Variants in VCP observed in about 807,000 individuals in gnomAD.
The protein encoded by VCP is valosin containing protein.
VCP carries 6 observed loss-of-function variants against 85.7 expected under a neutral mutation model. That is an observed-to-expected ratio of 0.07 (90% CI 0.04 to 0.14). VCP has a LOEUF of 0.14. Among genes scored for constraint, VCP ranks in the 10% least tolerant of loss-of-function variants. The pLI, the probability that VCP is intolerant of heterozygous loss-of-function variation, is 1.00. For missense variants in VCP, 353 were observed against 1,043.4 expected (o/e 0.34, Z 9.12); for synonymous variants, 384 against 367.1 (o/e 1.05, Z -0.53).
At position 35,061,317 on chromosome 9, in the gene VCP, T is replaced by C. The variant is rs971557206; in HGVS notation, c.1195-138A>G. 4.8e-6 allele frequency: 6 copies of C among 1,243,664 alleles called. No individual in the cohort carries two copies. In the African/African-American group the frequency reaches 7.5e-5, roughly 15 times the overall value. 77.0% of individuals were successfully genotyped at this position (1,243,664 alleles called of 1,614,324 possible). On this transcript the variant is annotated intron_variant, in intron 10 of 16. Coordinates refer to ENST00000358901, the MANE Select transcript of VCP (RefSeq NM_007126.5). The stretch of plus-strand genomic sequence containing the variant: ...TGAATATATACTATCAATACCTTTA[T>C]GGGCTGGGTTTTAAGTACTTAATTC...
intron 6 of VCP, 61 bp downstream of exon 6, chr9:35,064,093 T>A: frequency 2.5e-6 from 4 of 1,610,204 alleles, no homozygotes; most frequent in Non-Finnish European, 2.5e-6. Context: ...GGATTAGACA[T>A]TGGGACAGGA....
Position 35,072,470 on chromosome 9 carries a change from G to A in VCP, c.-117C>T. The A allele has an allele frequency of 7.7e-7, 1 of 1,292,514 alleles. No individual in the cohort carries two copies. The highest frequency in any genetic ancestry group is 1.0e-6 in the Non-Finnish European group (1 of 999,576). The allele number at this position is 1,292,514 out of a possible 1,614,324, so 80.1% of individuals were successfully genotyped here. A position where few individuals can be genotyped will look rare whatever the true frequency, so the allele number is the denominator to read the frequency against. On this transcript the variant is annotated 5_prime_UTR_variant, in exon 1 of 17. Transcript: ENST00000358901. ...TTCCAGGCGGTGGGCGAGCAGCGGC[G>A]ACAAACCCGCAAGCGGCTTCCCTCT...
Position 35,059,069 on chromosome 9 carries a change from C to A in VCP, c.2155G>T (p.Ala719Ser). 6.2e-7 allele frequency: 1 copy of A among 1,613,980 alleles called. No homozygotes were observed. The change falls in exon 15 of 17, where the codon GCC (alanine) becomes TCC (serine). Residue 719 changes from alanine to serine, a missense_variant. By Grantham distance (99) the Ala-to-Ser change is moderately conservative. Transcript: ENST00000358901. This position sits in a 1 kb window ranked among gnomAD's most constrained non-coding sequence, Gnocchi z 4.9. The stretch of plus-strand genomic sequence containing the variant: ...GGGAAAGGATGCAGACTCACCATGG[C>A]TGATGGGTTTGTCTGCCTCTCTCGT... ...RERERQTNPS[A>S]MEVEEDDPVP... is the part of the protein sequence containing the mutation.
intron 4 of VCP, among the ~76,000 whole-genome samples, chr9:35,065,807 GA>G (rs1245669099): frequency 9.2e-5 from 14 of 151,872 alleles, no homozygotes; most frequent in Non-Finnish European, 2.9e-5. Context: ...AAGGATGGAG[GA>G]AAAAAAGAGG....
intron 1 of VCP, among the ~76,000 whole-genome samples, chr9:35,070,433 C>G (rs1415634945): frequency 6.6e-6 from 1 of 152,092 alleles, no homozygotes; most frequent in Non-Finnish European, 1.5e-5. Flanking sequence ...CCTCTAGTCA[C>G]CATAGTTTTT....
In VCP at chr9:35,059,430, G is replaced by A. The variant is rs1367468089; in HGVS notation, c.2004+63C>T. On this transcript the variant is annotated intron_variant, in intron 14 of 16. Coordinates refer to ENST00000358901, the MANE Select transcript of VCP (RefSeq NM_007126.5). This position sits in a 1 kb window ranked among gnomAD's most constrained non-coding sequence, Gnocchi z 4.9. ...AGTGGAATCTTGTCCAGAAACTAAA[G>A]AGCACTCCGTACCAGCCTGAGGACT... is the stretch of plus-strand genomic sequence containing the variant. 1 of 1,597,004 alleles carries A rather than the reference G, an allele frequency of 6.3e-7. No homozygotes were observed. Among genetic ancestry groups the A allele is most frequent in the Admixed American group, 1.7e-5 (1 of 58,116 alleles).
intron 1 of VCP, 26 bp from the exon 2 acceptor site, chr9:35,068,388 G>A (rs1483594236): frequency 6.3e-7 from 1 of 1,590,790 alleles, no homozygotes. Context: ...GGAGTCAGTA[G>A]ATACTCCTGC....
Position 35,070,457 on chromosome 9 carries a change from G to A in VCP, c.17+1880C>T, listed in dbSNP as rs532167962. On this transcript the variant is annotated intron_variant, in intron 1 of 16. Coordinates refer to ENST00000358901, the MANE Select transcript of VCP (RefSeq NM_007126.5). ...ACCATAGTTTTTTATTTTTTGAAACGGAGTCTCCCTCTGTTGCCCAGGCTG... is the reference window on the plus strand; with the variant it reads ...ACCATAGTTTTTTATTTTTTGAAACAGAGTCTCCCTCTGTTGCCCAGGCTG... Among the ~76,000 whole-genome samples, 5 of 152,118 alleles carry A rather than the reference G, an allele frequency of 3.3e-5. No individual in the cohort carries two copies. The South Asian group carries it at 8.3e-4, about 25-fold the overall frequency.
rs565667489 is a variant in VCP at position 35,060,004 on chromosome 9, T to C, written c.1696-203A>G. On this transcript the variant is annotated intron_variant, in intron 13 of 16. Transcript: ENST00000358901. ...AAAATTAGCCAGATGTGGTGACGCA[T>C]GCCTATAGTCCCAGCTACTCAGGAG... 12 of 694,370 alleles carry C rather than the reference T, an allele frequency of 1.7e-5. No individual in the cohort carries two copies. The African/African-American group carries it at 2.0e-4, about 11-fold the overall frequency. 43.0% of individuals were successfully genotyped at this position (694,370 alleles called of 1,614,324 possible).
rs1587116099 is a variant in VCP, at chr9:35,056,450, GA to G, written c.*666del. On this transcript the variant is annotated 3_prime_UTR_variant, in exon 17 of 17. Transcript: ENST00000358901. ...ATACCGATGTTGATCAGGAGAGGAA[GA>G]AGGTGCAATCTTACTTCCAGGATTT... 1.3e-5 allele frequency: 2 copies of G among 156,988 alleles called. No individual in the cohort carries two copies. The highest frequency in any genetic ancestry group is 3.8e-4 in the East Asian group (2 of 5,300). 9.7% of individuals were successfully genotyped at this position (156,988 alleles called of 1,614,324 possible). A position where few individuals can be genotyped will look rare whatever the true frequency, so the allele number is the denominator to read the frequency against.
intron 1 of VCP, among the ~76,000 whole-genome samples, chr9:35,069,134 A>G (rs1828889894): frequency 1.3e-5 from 2 of 152,230 alleles, no homozygotes; most frequent in African/African-American, 4.8e-5. Context: ...AATGCCAAGC[A>G]TAAAGACCAT....
In VCP at chr9:35,056,600, T is replaced by C. The variant is rs938536211; in HGVS notation, c.*517A>G. ...CAACGTTTATTGTCCTTTTACAACA[T>C]GTCATTTTTTGGTTTAGAAACTGCT... On this transcript the variant is annotated 3_prime_UTR_variant, in exon 17 of 17. Transcript: ENST00000358901. 1.1e-5 allele frequency: 2 copies of C among 179,440 alleles called. No homozygotes were observed. Among genetic ancestry groups the C allele is most frequent in the African/African-American group, 4.7e-5 (2 of 42,314 alleles). 11.1% of individuals were successfully genotyped at this position (179,440 alleles called of 1,614,324 possible). A position where few individuals can be genotyped will look rare whatever the true frequency, so the allele number is the denominator to read the frequency against.
chr9:35,061,227 T>C (rs751950418), intron 10 of VCP, 48 bp from the exon 11 acceptor site: 3 of 1,611,040 alleles, frequency 1.9e-6, no homozygotes, highest in Non-Finnish European at 2.5e-6. Context: ...ACCCAGCTGC[T>C]GCAGGAGGCT....
intron 15 of VCP, among the ~76,000 whole-genome samples, chr9:35,058,190 T>G (rs189728374): frequency 6.6e-6 from 1 of 152,222 alleles, no homozygotes; most frequent in Admixed American, 6.5e-5. Context: ...GACTACCTCC[T>G]AGGATTAGTT....
At chr9:35,066,105 G>T (rs1264385767) in intron 4 of VCP, among the ~76,000 whole-genome samples, 6 of 151,458 alleles carry the variant, frequency 4.0e-5, no homozygotes, top group Non-Finnish European at 5.9e-5. Flanking sequence ...CAGCCTGGGG[G>T]ACAGCGCGAC....
chr9:35,057,032 C>T lies in VCP; in HGVS notation c.*85G>A. On this transcript the variant is annotated 3_prime_UTR_variant, in exon 17 of 17. Coordinates refer to ENST00000358901, the MANE Select transcript of VCP (RefSeq NM_007126.5). ...GAATGGAGCAGGCTGTGGGCGCACC[C>T]CTGGTCCCTCTCCTGGGCAAGCGCC... 3 of 1,385,452 alleles carry T rather than the reference C, an allele frequency of 2.2e-6. No homozygotes were observed. Among genetic ancestry groups the T allele is most frequent in the Non-Finnish European group, 3.1e-6 (3 of 977,864 alleles). The allele number at this position is 1,385,452 out of a possible 1,614,324, so 85.8% of individuals were successfully genotyped here.
At position 35,061,084 on chromosome 9, in the gene VCP, A is replaced by G; in HGVS notation, c.1290T>C (p.Ile430=). ...CATCAATGGTCTCATCCTCTAGGTC[A>G]ATGAGATCCATCTTCTTGCGGATGG... ...LQAIRKKMDL[I]DLEDETIDAE... Residue 430 remains isoleucine, a synonymous_variant, in exon 11 of 17, where the codon ATT becomes ATC. Coordinates refer to ENST00000358901, the MANE Select transcript of VCP (RefSeq NM_007126.5). The G allele has an allele frequency of 3.1e-6, 5 of 1,614,164 alleles. No individual in the cohort carries two copies. Among genetic ancestry groups the G allele is most frequent in the Non-Finnish European group, 4.2e-6 (5 of 1,180,030 alleles).
intron 10 of VCP, 103 bp downstream of exon 10, chr9:35,061,474 A>G: frequency 8.3e-7 from 1 of 1,200,688 alleles, no homozygotes. Flanking sequence ...CTGTCCAGAA[A>G]TCAAAACCCA....
rs532060742 is a variant in VCP at position 35,056,759 on chromosome 9, T to C, written c.*358A>G. 31 of 337,244 alleles carry C rather than the reference T, an allele frequency of 9.2e-5. No individual in the cohort carries two copies. Among genetic ancestry groups the C allele is most frequent in the South Asian group, 3.1e-4 (12 of 38,628 alleles). The allele number at this position is 337,244 out of a possible 1,614,324, so 20.9% of individuals were successfully genotyped here. A position where few individuals can be genotyped will look rare whatever the true frequency, so the allele number is the denominator to read the frequency against. On this transcript the variant is annotated 3_prime_UTR_variant, in exon 17 of 17. Coordinates refer to ENST00000358901, the MANE Select transcript of VCP (RefSeq NM_007126.5). The stretch of plus-strand genomic sequence containing the variant: ...GGGGGAAGGGAGGGCTCGGGCAGCA[T>C]TGAGTCAAGTGCAGATGCTTTACTG...
Sources: allele counts gnomAD v4.1 joint callset (sites outside exome capture counted in the v4.1 genomes callset), GRCh38; gene constraint gnomAD v4.1.1; non-coding constraint Gnocchi (gnomAD v3.1); transcripts MANE v1.5; gene names NCBI Gene and HGNC (gene_info 2026-07-23, HGNC 2026-07-21).